MAML2: variants seen among roughly 807,000 people sequenced by gnomAD.
MAML2 encodes the protein mastermind-like protein 2.
In MAML2, 22 loss-of-function variants were observed where a neutral mutation model predicts 96.1. The observed-to-expected ratio is 0.23, with a 90% CI of 0.16 to 0.33. The LOEUF (loss-of-function observed/expected upper bound fraction) is 0.33. Among genes scored for constraint, MAML2 ranks in the 10% least tolerant of loss-of-function variants. MAML2 has a pLI of 1.00. For missense variants in MAML2, 1,367 were observed against 1,392.4 expected (o/e 0.98, Z 0.29); for synonymous variants, 561 against 521.3 (o/e 1.08, Z -1.04).
intron 1 of MAML2, among the ~76,000 whole-genome samples, chr11:96,227,555 T>G (rs926358371): frequency 1.3e-5 from 2 of 152,172 alleles, no homozygotes; most frequent in Admixed American, 6.5e-5. Context: ...AAGTTAAACA[T>G]ATTTCAGTAC....
At chr11:96,022,475 G>A (rs948934487) in intron 2 of MAML2, among the ~76,000 whole-genome samples, 1 of 152,194 alleles carries the variant, frequency 6.6e-6, no homozygotes. Flanking sequence ...TCGCTTGGTG[G>A]GAAGGGTAGA....
chr11:96,241,927 T>G (rs540065673), intron 1 of MAML2, among the ~76,000 whole-genome samples: 1 of 152,336 alleles, frequency 6.6e-6, no homozygotes, highest in South Asian at 2.1e-4. Flanking sequence ...CATTAATATT[T>G]GGGTTTTATT....
chr11:95,979,289 G>A lies in MAML2; in HGVS notation c.3130C>T (p.Leu1044Phe). The A allele has an allele frequency of 1.2e-6, 2 of 1,613,956 alleles. No individual in the cohort carries two copies. The highest frequency in any genetic ancestry group is 1.7e-6 in the Non-Finnish European group (2 of 1,179,884). ...QTLNGQTMGP[L>F]RGLNLRPNQL... ...TTGGGTCTGAGATTCAGACCCCTGAGGGGACCCATGGTTTGCCCATTTAGT... is the reference window on the plus strand; with the variant it reads ...TTGGGTCTGAGATTCAGACCCCTGAAGGGACCCATGGTTTGCCCATTTAGT... The change falls in exon 5 of 5, where the codon CTC becomes TTC. Residue 1044 changes from leucine to phenylalanine, a missense_variant. Transcript: ENST00000524717.
intron 2 of MAML2, among the ~76,000 whole-genome samples, chr11:95,998,170 G>GTCTGTCTGTCTGTCTA (rs1858025488): frequency 1.2e-5 from 1 of 81,910 alleles, no homozygotes; most frequent in Non-Finnish European, 3.1e-5. Flanking sequence ...CTGTCTGTCT[G>GTCTGTCTGTCTGTCTA]TCTGTCTATC....
intron 2 of MAML2, among the ~76,000 whole-genome samples, chr11:96,039,963 CAAAA>C (rs67545681): frequency 3.8e-5 from 4 of 104,566 alleles, no homozygotes; most frequent in Admixed American, 1.9e-4. Context: ...GACTCTGTCT[CAAAA>C]AAAAAAAAAA....
chr11:96,106,247 G>GA (rs907460990), intron 1 of MAML2, among the ~76,000 whole-genome samples: 10 of 152,054 alleles, frequency 6.6e-5, no homozygotes, highest in Non-Finnish European at 1.3e-4. Context: ...TCTTTGAAGA[G>GA]AAAAAAATAC....
intron 2 of MAML2, among the ~76,000 whole-genome samples, chr11:96,017,209 T>C (rs1858367709): frequency 6.6e-6 from 1 of 152,218 alleles, no homozygotes; most frequent in Admixed American, 6.5e-5. Flanking sequence ...TTAGCTAAAT[T>C]GCACAACATT....
intron 1 of MAML2, among the ~76,000 whole-genome samples, chr11:96,303,758 T>C (rs901036528): frequency 5.3e-5 from 8 of 152,152 alleles, no homozygotes; most frequent in African/African-American, 1.9e-4. Flanking sequence ...GGGCAGCAGG[T>C]CAGGCATGCT....
At chr11:96,194,087 C>G (rs1018570817) in intron 1 of MAML2, among the ~76,000 whole-genome samples, 1 of 152,152 alleles carries the variant, frequency 6.6e-6, no homozygotes, top group Admixed American at 6.5e-5. Context: ...CGATCTAGAA[C>G]TGGCCTCAAA....
chr11:96,254,798 A>G (rs371889777), intron 1 of MAML2, among the ~76,000 whole-genome samples: 1 of 152,150 alleles, frequency 6.6e-6, no homozygotes. Context: ...GAGGCAGAGG[A>G]TAAATTGAGG....
chr11:96,257,068 A>G (rs1297364046), intron 1 of MAML2, among the ~76,000 whole-genome samples: 1 of 152,236 alleles, frequency 6.6e-6, no homozygotes, highest in Non-Finnish European at 1.5e-5. Flanking sequence ...AAATAGGCAC[A>G]ATGTTTCTGT....
At chr11:96,281,973 G>C (rs1172126797) in intron 1 of MAML2, among the ~76,000 whole-genome samples, 1 of 152,186 alleles carries the variant, frequency 6.6e-6, no homozygotes, top group African/African-American at 2.4e-5. Flanking sequence ...CTGTAGGCCA[G>C]GCGCGGTGGC....
chr11:96,317,267 G>C (rs1863645061), intron 1 of MAML2, among the ~76,000 whole-genome samples: 1 of 152,138 alleles, frequency 6.6e-6, no homozygotes, highest in South Asian at 2.1e-4. Flanking sequence ...AGCATAGATA[G>C]CTTTAAAACG....
chr11:96,139,064 A>G (rs1481290163), intron 1 of MAML2, among the ~76,000 whole-genome samples: 1 of 152,200 alleles, frequency 6.6e-6, no homozygotes, highest in Non-Finnish European at 1.5e-5. Flanking sequence ...TACAAGGAAG[A>G]TATGCCAGAA....
rs969346926 is a variant in MAML2 at position 96,311,479 on chromosome 11, C to T, written c.513+29904G>A. On this transcript the variant is annotated intron_variant, in intron 1 of 4. Coordinates refer to ENST00000524717, the MANE Select transcript of MAML2 (RefSeq NM_032427.4). The stretch of plus-strand genomic sequence containing the variant: ...TGCACAATTCACCACATTCATCCCA[C>T]GGGAGAAGGCAGCAGTAGTAGCAGA... 2.4e-4 allele frequency among the ~76,000 whole-genome samples: 36 copies of T among 152,308 alleles called. No individual in the cohort carries two copies. The East Asian group carries it at 6.0e-3, about 25-fold the overall frequency.
intron 1 of MAML2, among the ~76,000 whole-genome samples, chr11:96,311,009 G>A (rs1318266965): frequency 6.6e-6 from 1 of 152,200 alleles, no homozygotes; most frequent in African/African-American, 2.4e-5. Flanking sequence ...ACCAAGCTAA[G>A]TACTTTACAT....
chr11:96,266,263 C>T lies in MAML2; in HGVS notation c.513+75120G>A, dbSNP rs563987789. 1.2e-4 allele frequency among the ~76,000 whole-genome samples: 18 copies of T among 152,170 alleles called. No homozygotes were observed. The East Asian group carries it at 3.1e-3, about 26-fold the overall frequency. On this transcript the variant is annotated intron_variant, in intron 1 of 4. Transcript: ENST00000524717. ...AGTACCAAGCTGGTCTGTATGAGGA[C>T]GGCAGTCTTTGAAAAACAACATATT... is the stretch of plus-strand genomic sequence containing the variant.
intron 1 of MAML2, among the ~76,000 whole-genome samples, chr11:96,171,369 T>G (rs1029972525): frequency 1.3e-5 from 2 of 152,148 alleles, no homozygotes; most frequent in Non-Finnish European, 2.9e-5. Context: ...CTCCATCCAG[T>G]ATGGGTAGGT....
intron 1 of MAML2, among the ~76,000 whole-genome samples, chr11:96,333,700 A>C (rs931416190): frequency 7.6e-4 from 115 of 152,240 alleles, no homozygotes; most frequent in African/African-American, 2.6e-3. Context: ...CTGCAGATGC[A>C]GTAAATTAGC....
Sources: gnomAD v4.1 joint callset for allele counts (sites outside exome capture counted in the v4.1 genomes callset) on GRCh38, gnomAD v4.1.1 for gene constraint, MANE v1.5 for transcripts, NCBI Gene and HGNC (gene_info 2026-07-23, HGNC 2026-07-21) for gene names.